AKR1C8: variants seen among roughly 807,000 people sequenced by gnomAD.
AKR1C8 encodes the protein aldo-keto reductase family 1 member C-like protein 1.
the AKR1C8 span, among the ~76,000 whole-genome samples, chr10:5,164,464 G>C: frequency 6.6e-6 from 1 of 152,070 alleles, no homozygotes; most frequent in East Asian, 1.9e-4. Context: ...ATACATTGAT[G>C]AGACTGTAAC....
At chr10:5,133,506 A>G in the AKR1C8 span, among the ~76,000 whole-genome samples, 5 of 152,188 alleles carry the variant, frequency 3.3e-5, no homozygotes, top group African/African-American at 1.2e-4. Context: ...ATGTTGCACA[A>G]AACACACTGA....
At chr10:5,123,881 A>C in the AKR1C8 span, 1 of 1,496,340 alleles carries the variant, frequency 6.7e-7, no homozygotes, top group Non-Finnish European at 9.1e-7. Flanking sequence ...TAATATAAAA[A>C]GATTACAGAT....
chr10:5,168,335 C>T, the AKR1C8 span, among the ~76,000 whole-genome samples: 3 of 151,992 alleles, frequency 2.0e-5, no homozygotes, highest in Non-Finnish European at 2.9e-5. Flanking sequence ...AATGCAACTC[C>T]CAGGTGCCCC....
chr10:5,130,599 T>A, the AKR1C8 span, among the ~76,000 whole-genome samples: 1 of 151,880 alleles, frequency 6.6e-6, no homozygotes, highest in East Asian at 1.9e-4. Flanking sequence ...AAAATCAATG[T>A]ACAGAAATTG....
At chr10:5,164,752 G>A in the AKR1C8 span, among the ~76,000 whole-genome samples, 1 of 152,150 alleles carries the variant, frequency 6.6e-6, no homozygotes, top group African/African-American at 2.4e-5. Flanking sequence ...GTCACATGCA[G>A]CTGAAAAGAG....
the AKR1C8 span, among the ~76,000 whole-genome samples, chr10:5,144,875 C>T: frequency 1.3e-5 from 2 of 152,120 alleles, no homozygotes; most frequent in Admixed American, 6.6e-5. Flanking sequence ...TTTCTCCTGC[C>T]TAATTGCCCT....
the AKR1C8 span, among the ~76,000 whole-genome samples, chr10:5,116,013 C>T: frequency 6.6e-6 from 1 of 152,002 alleles, no homozygotes; most frequent in Non-Finnish European, 1.5e-5. Flanking sequence ...ATGTTTTTTT[C>T]CTGGTGGAGT....
the AKR1C8 span, among the ~76,000 whole-genome samples, chr10:5,184,070 G>A: frequency 1.3e-5 from 2 of 152,112 alleles, no homozygotes; most frequent in Non-Finnish European, 2.9e-5. Context: ...TTATCATTCA[G>A]CATCTGACTG....
At chr10:5,175,514 T>TA in the AKR1C8 span, among the ~76,000 whole-genome samples, 3 of 152,278 alleles carry the variant, frequency 2.0e-5, no homozygotes, top group East Asian at 5.8e-4. Flanking sequence ...CTAGGTCAAA[T>TA]GGTATTTCTA....
chr10:5,129,463 A>G, the AKR1C8 span, among the ~76,000 whole-genome samples: 1 of 152,048 alleles, frequency 6.6e-6, no homozygotes, highest in African/African-American at 2.4e-5. Flanking sequence ...CACCCCCACA[A>G]AAGATCAATG....
At chr10:5,166,942 GA>G in the AKR1C8 span, among the ~76,000 whole-genome samples, 165 of 148,238 alleles carry the variant, frequency 1.1e-3, no homozygotes, top group African/African-American at 3.5e-3. Flanking sequence ...AAATTTACAA[GA>G]AAAAAAAAAC....
the AKR1C8 span, among the ~76,000 whole-genome samples, chr10:5,181,067 C>T: frequency 4.6e-5 from 7 of 152,194 alleles, no homozygotes; most frequent in East Asian, 1.9e-4. Context: ...AGAAATCACC[C>T]GTCTTCTGCG....
At chr10:5,167,835 A>G in the AKR1C8 span, among the ~76,000 whole-genome samples, 6 of 152,282 alleles carry the variant, frequency 3.9e-5, no homozygotes, top group African/African-American at 4.8e-5. Flanking sequence ...AAAACACTGT[A>G]AAATGATACG....
chr10:5,147,085 C>T, the AKR1C8 span, among the ~76,000 whole-genome samples: 185 of 152,296 alleles, frequency 1.2e-3, no homozygotes, highest in African/African-American at 4.4e-3. Flanking sequence ...CAGGCTGCTT[C>T]CATTCATGGC....
the AKR1C8 span, among the ~76,000 whole-genome samples, chr10:5,140,997 G>A: frequency 1.3e-5 from 2 of 152,074 alleles, no homozygotes; most frequent in African/African-American, 4.8e-5. Flanking sequence ...AGATTTCTCT[G>A]TAGAGAGATT....
chr10:5,157,562 T>C, the AKR1C8 span: 3 of 405,656 alleles, frequency 7.4e-6, no homozygotes, highest in African/African-American at 4.1e-5. Context: ...ACGTGTCGCA[T>C]TCTCCCATGT....
At chr10:5,144,248 C>A in the AKR1C8 span, among the ~76,000 whole-genome samples, 1 of 152,070 alleles carries the variant, frequency 6.6e-6, no homozygotes, top group Non-Finnish European at 1.5e-5. Flanking sequence ...TGTTTTGGTA[C>A]CAGTACCATG....
chr10:5,148,158 C>A, the AKR1C8 span, among the ~76,000 whole-genome samples: 1 of 152,052 alleles, frequency 6.6e-6, no homozygotes, highest in Non-Finnish European at 1.5e-5. Context: ...TGTATACAAT[C>A]TGGCTGAATG....
chr10:5,137,047 A>T, the AKR1C8 span, among the ~76,000 whole-genome samples: 1 of 152,204 alleles, frequency 6.6e-6, no homozygotes, highest in African/African-American at 2.4e-5. Context: ...ATATTAGGTA[A>T]GCAATAGTAT....
Sources: gnomAD v4.1 joint callset for allele counts (sites outside exome capture counted in the v4.1 genomes callset) on GRCh38, gnomAD v4.1.1 for gene constraint, MANE v1.5 for transcripts, NCBI Gene and HGNC (gene_info 2026-07-23, HGNC 2026-07-21) for gene names.